JAK1: variants seen among roughly 807,000 people sequenced by gnomAD.
JAK1 encodes the protein Janus kinase 1.
A neutral mutation model predicts 136.6 loss-of-function variants in JAK1; 16 were observed. The ratio of observed to expected loss-of-function variants is 0.12; its 90% CI spans 0.08 to 0.18. JAK1 has a LOEUF of 0.18. Among genes scored for constraint, JAK1 ranks in the 10% least tolerant of loss-of-function variants. The pLI is 1.00. For synonymous variants in JAK1, 492 were observed against 519.5 expected, an observed-to-expected ratio of 0.95 and a Z score of 0.72; for missense variants, 859 against 1,450.1, an observed-to-expected ratio of 0.59 and a Z score of 6.62.
At chr1:64,874,415 T>C (rs1657268221) in intron 4 of JAK1, among the ~76,000 whole-genome samples, 1 of 152,058 alleles carries the variant, frequency 6.6e-6, no homozygotes. Context: ...ATACATAAGA[T>C]ATATACAGGT....
Position 64,921,850 on chromosome 1 carries a change from C to T in JAK1, c.-77-35509G>A, listed in dbSNP as rs189466462. The stretch of plus-strand genomic sequence containing the variant: ...TTTGGACTTGACTCCAGATATACCT[C>T]CTTTCCATTTCCAACCAAGAAGATA... On this transcript the variant is annotated intron_variant, in intron 1 of 24. Coordinates refer to ENST00000342505, the MANE Select transcript of JAK1 (RefSeq NM_002227.4). Among the ~76,000 whole-genome samples the T allele has an allele frequency of 7.9e-5, 12 of 152,120 alleles. No homozygotes were observed. The East Asian group carries it at 2.1e-3, about 27-fold the overall frequency.
At chr1:65,052,448 C>G (rs1051800300) in intron 1 of JAK1, among the ~76,000 whole-genome samples, 45 of 152,042 alleles carry the variant, frequency 3.0e-4, no homozygotes, top group Admixed American at 6.5e-4. Context: ...GAGGCCGAGG[C>G]AGGTGGATCA....
At chr1:64,937,112 T>A (rs1403232398) in intron 1 of JAK1, among the ~76,000 whole-genome samples, 1 of 151,816 alleles carries the variant, frequency 6.6e-6, no homozygotes, top group Non-Finnish European at 1.5e-5. Context: ...CAGGACCTCA[T>A]GTAGATTGAG....
chr1:64,989,029 T>TATATAA (rs1343047707), intron 2 of JAK1, among the ~76,000 whole-genome samples: 150 of 135,152 alleles, frequency 1.1e-3, no homozygotes, highest in Middle Eastern at 4.1e-3. Flanking sequence ...TATATATATA[T>TATATAA]AAAATACAGA....
chr1:65,050,000 T>C (rs979617957), intron 1 of JAK1, among the ~76,000 whole-genome samples: 2 of 152,184 alleles, frequency 1.3e-5, no homozygotes, highest in Non-Finnish European at 1.5e-5. Flanking sequence ...TTGGTTCTGC[T>C]GAAATGACAC....
intron 1 of JAK1, among the ~76,000 whole-genome samples, chr1:64,953,717 T>G (rs1646132687): frequency 6.6e-6 from 1 of 152,196 alleles, no homozygotes; most frequent in Non-Finnish European, 1.5e-5. Context: ...CAGAGTGAAG[T>G]GGCATCATCT....
intron 1 of JAK1, among the ~76,000 whole-genome samples, chr1:65,055,766 C>T (rs1212998467): frequency 6.6e-6 from 1 of 152,140 alleles, no homozygotes. Context: ...TTCTGGAGCT[C>T]CTGCTGCAGA....
chr1:65,051,628 C>A (rs2100860256), intron 1 of JAK1, among the ~76,000 whole-genome samples: 1 of 152,180 alleles, frequency 6.6e-6, no homozygotes, highest in Middle Eastern at 3.4e-3. Flanking sequence ...TACTCATTTT[C>A]AAATTGAAAA....
At chr1:64,928,792 A>AACAAAAC (rs1553170030) in intron 1 of JAK1, among the ~76,000 whole-genome samples, 2 of 125,502 alleles carry the variant, frequency 1.6e-5, no homozygotes, top group African/African-American at 3.6e-5. Flanking sequence ...AAAAAAAAAA[A>AACAAAAC]AAAACAAAAA....
intron 1 of JAK1, among the ~76,000 whole-genome samples, chr1:64,966,084 C>A (rs1402826821): frequency 1.3e-5 from 2 of 151,892 alleles, no homozygotes; most frequent in African/African-American, 4.8e-5. Flanking sequence ...CTGGCTTAAC[C>A]GCTCTTCTCC....
chr1:64,972,098 A>T (rs979170665), intron 2 of JAK1: 1 of 152,234 alleles, frequency 6.6e-6, no homozygotes, highest in African/African-American at 2.4e-5. Flanking sequence ...TTACAAATTG[A>T]CAGAAGATAC....
At chr1:64,853,961 T>C (rs1308550383) in intron 11 of JAK1, among the ~76,000 whole-genome samples, 1 of 152,194 alleles carries the variant, frequency 6.6e-6, no homozygotes, top group East Asian at 1.9e-4. Context: ...TGTGTTGCTG[T>C]GAATAAATAG....
At chr1:65,009,066 C>T (rs899670296) in intron 2 of JAK1, among the ~76,000 whole-genome samples, 4 of 152,142 alleles carry the variant, frequency 2.6e-5, no homozygotes, top group Non-Finnish European at 5.9e-5. Context: ...ATGTTCACTA[C>T]ACAGTTGTTT....
intron 1 of JAK1, among the ~76,000 whole-genome samples, chr1:64,937,345 T>C (rs571225171): frequency 2.9e-4 from 44 of 152,330 alleles, no homozygotes; most frequent in Admixed American, 2.2e-3. Context: ...CATCTCATGC[T>C]CGGGCCACAG....
At chr1:64,861,984 G>A (rs1182554050) in intron 8 of JAK1, among the ~76,000 whole-genome samples, 1 of 152,226 alleles carries the variant, frequency 6.6e-6, no homozygotes, top group African/African-American at 2.4e-5. Context: ...CCTGAGAACA[G>A]GAGTCTAAAC....
At chr1:65,002,782 T>TGGCC (rs1401731964) in intron 2 of JAK1, among the ~76,000 whole-genome samples, 2 of 152,200 alleles carry the variant, frequency 1.3e-5, no homozygotes, top group African/African-American at 4.8e-5. Context: ...ACGATCGATG[T>TGGCC]GGCCAGTCTG....
At position 64,943,548 on chromosome 1, in the gene JAK1, C is replaced by T. The variant is rs146510548; in HGVS notation, c.-78+22785G>A. On this transcript the variant is annotated intron_variant, in intron 1 of 24. Transcript: ENST00000342505. ...CAGAGAAAATAATAAAATTAGAATC[C>T]CTCTTACATCATAGACTAAAATAAA... Among the ~76,000 whole-genome samples the T allele has an allele frequency of 6.1e-3, 930 of 151,934 alleles. 14 individuals are homozygous for T. Among genetic ancestry groups the T allele is most frequent in the Admixed American group, 0.02 (310 of 15,284 alleles).
Position 64,988,848 on chromosome 1 carries a change from C to T in JAK1, c.-78+55632G>A, listed in dbSNP as rs373231438. On this transcript the variant is annotated intron_variant, in intron 2 of 25. Transcript: ENST00000671954. The stretch of plus-strand genomic sequence containing the variant: ...AGGCTGCAGTGAACTATGATCTTGA[C>T]ACTGCACTGAAGCCTGGGTGAAAGA... Among the ~76,000 whole-genome samples, 199 of 151,376 alleles carry T rather than the reference C, an allele frequency of 1.3e-3. 4 individuals are homozygous for T. The South Asian group carries it at 0.04, about 31-fold the overall frequency.
In JAK1 at chr1:64,845,831, G is replaced by A. The variant is rs1044973299; in HGVS notation, c.1988-191C>T. On this transcript the variant is annotated intron_variant, in intron 14 of 24. Transcript: ENST00000342505. Reference sequence around the variant, plus strand: ...TCAACCCCAAGCTCTTCTTCTAAACGGTGGCACTGAGCAAGTGACACTTCT... The same window carrying A: ...TCAACCCCAAGCTCTTCTTCTAAACAGTGGCACTGAGCAAGTGACACTTCT... Among the ~76,000 whole-genome samples, 8 of 152,118 alleles carry A rather than the reference G, an allele frequency of 5.3e-5. No homozygotes were observed. In the South Asian group the frequency reaches 8.3e-4, roughly 16 times the overall value.
Sources: allele counts gnomAD v4.1 joint callset (sites outside exome capture counted in the v4.1 genomes callset), GRCh38; gene constraint gnomAD v4.1.1; transcripts MANE v1.5; gene names NCBI Gene and HGNC (gene_info 2026-07-23, HGNC 2026-07-21).